The following PANK2 variants were observed in gnomAD, a reference collection of about 807,000 sequenced individuals.
The protein encoded by PANK2 is pantothenate kinase 2, mitochondrial.
In PANK2, 36 loss-of-function variants were observed where a neutral mutation model predicts 43.1. That is an observed-to-expected ratio of 0.84 (90% CI 0.64 to 1.10). PANK2 has a LOEUF of 1.10. Ranked by LOEUF, PANK2 falls within the 50% of genes least tolerant of loss-of-function variation. PANK2 has a pLI of 0.00. For synonymous variants in PANK2, 281 were observed against 238.2 expected (o/e 1.18, Z -1.66); for missense variants, 576 against 593.3 (o/e 0.97, Z 0.30).
rs529945325 is a variant in PANK2 at position 3,924,692 on chromosome 20, C to G, written c.*1398C>G. On this transcript the variant is annotated 3_prime_UTR_variant, in exon 7 of 7. Transcript: ENST00000610179. ...CTGCTGCTGTTTGCAGGCTCCTGGC[C>G]TATACTACCTCTGACGCCCTGATCC... The G allele has an allele frequency of 1.3e-5, 2 of 153,236 alleles. No homozygotes were observed. Among genetic ancestry groups the G allele is most frequent in the Non-Finnish European group, 2.9e-5 (2 of 68,740 alleles). The allele number at this position is 153,236 out of a possible 1,614,324, so 9.5% of individuals were successfully genotyped here. A position where few individuals can be genotyped will look rare whatever the true frequency, so the allele number is the denominator to read the frequency against.
chr20:3,890,105 T>G lies in PANK2; in HGVS notation c.298+377T>G, dbSNP rs567194417. On this transcript the variant is annotated intron_variant, in intron 1 of 6. Coordinates refer to ENST00000610179, the MANE Select transcript of PANK2 (RefSeq NM_001386393.1). The stretch of plus-strand genomic sequence containing the variant: ...CCAAATCCTTTGAATCCCCAATGTT[T>G]GTTTTCCGTGGGTTTCCAAAGAGCT... Among the ~76,000 whole-genome samples, 4 of 152,332 alleles carry G rather than the reference T, an allele frequency of 2.6e-5. No homozygotes were observed. In the South Asian group the frequency reaches 8.3e-4, roughly 32 times the overall value.
At chr20:3,898,252 T>G (rs1221511658) in intron 1 of PANK2, among the ~76,000 whole-genome samples, 1 of 150,994 alleles carries the variant, frequency 6.6e-6, no homozygotes, top group Non-Finnish European at 1.5e-5. Flanking sequence ...CAGGCTAGAG[T>G]GCAGTGGCAC....
intron 1 of PANK2, among the ~76,000 whole-genome samples, chr20:3,905,563 G>A (rs2090372181): frequency 1.3e-5 from 2 of 150,982 alleles, no homozygotes; most frequent in African/African-American, 2.4e-5. Flanking sequence ...TAGCCAGGAT[G>A]GTCTCGATCT....
At chr20:3,889,244 C>T (rs141716905), upstream of PANK2, 6 of 1,613,322 alleles carry the variant, frequency 3.7e-6, no homozygotes, top group Non-Finnish European at 5.1e-6. Flanking sequence ...ACGATAGCCT[C>T]TCATTGGACG....
At chr20:3,894,050 G>A (rs1320242527) in intron 1 of PANK2, among the ~76,000 whole-genome samples, 1 of 150,260 alleles carries the variant, frequency 6.7e-6, no homozygotes, top group South Asian at 2.1e-4. Context: ...TCCTGCCTCA[G>A]ACTCGCAAGT....
chr20:3,915,866 C>T (rs2090552105), intron 4 of PANK2, among the ~76,000 whole-genome samples: 1 of 152,166 alleles, frequency 6.6e-6, no homozygotes, highest in South Asian at 2.1e-4. Flanking sequence ...TACCATACTG[C>T]CTTGATACTG....
At chr20:3,889,908 T>G in intron 1 of PANK2, 180 bp downstream of exon 1, 1 of 1,532,144 alleles carries the variant, frequency 6.5e-7, no homozygotes, top group South Asian at 1.2e-5. Context: ...AAGCGGTACC[T>G]TCGGGGGCCC....
At chr20:3,903,479 T>C (rs577877126) in intron 1 of PANK2, among the ~76,000 whole-genome samples, 26 of 149,594 alleles carry the variant, frequency 1.7e-4, no homozygotes, top group African/African-American at 6.4e-4. Flanking sequence ...TTTTTTTTTT[T>C]TTTTGAGACT....
intron 1 of PANK2, among the ~76,000 whole-genome samples, chr20:3,902,937 A>AC (rs1477350882): frequency 6.6e-6 from 1 of 151,016 alleles, no homozygotes; most frequent in East Asian, 1.9e-4. Context: ...TCCATTTAAA[A>AC]TATACAGTTC....
In PANK2 at chr20:3,889,743, G is replaced by A; in HGVS notation, c.298+15G>A. Reference sequence around the variant, plus strand: ...AAAGCGGCCGCGTAAGTGTTCCGTGGGGCGCCCTCCCGGCCCGCCCTGCCC... The same window carrying A: ...AAAGCGGCCGCGTAAGTGTTCCGTGAGGCGCCCTCCCGGCCCGCCCTGCCC... On this transcript the variant is annotated intron_variant, in intron 1 of 6. Coordinates refer to ENST00000610179, the MANE Select transcript of PANK2 (RefSeq NM_001386393.1). The A allele has an allele frequency of 6.3e-7, 1 of 1,594,204 alleles. No individual in the cohort carries two copies. Among genetic ancestry groups the A allele is most frequent in the South Asian group, 1.1e-5 (1 of 90,684 alleles).
At chr20:3,922,992 C>T (rs2090670218) in intron 6 of PANK2, among the ~76,000 whole-genome samples, 1 of 152,202 alleles carries the variant, frequency 6.6e-6, no homozygotes, top group Admixed American at 6.5e-5. Flanking sequence ...GTCGCCCTCA[C>T]TGCGGGTTTG....
In PANK2 at chr20:3,913,676, C is replaced by G. The variant is rs1030184718; in HGVS notation, c.1082+1042C>G. 4.7e-5 allele frequency among the ~76,000 whole-genome samples: 7 copies of G among 149,508 alleles called. No homozygotes were observed. In the South Asian group the frequency reaches 6.3e-4, roughly 14 times the overall value. On this transcript the variant is annotated intron_variant, in intron 4 of 6. Coordinates refer to ENST00000610179, the MANE Select transcript of PANK2 (RefSeq NM_001386393.1). ...TTACGTGGATAATACTACATTTTAT[C>G]CATTTATTGGTTGATGAACATTTGG...
intron 4 of PANK2, among the ~76,000 whole-genome samples, chr20:3,913,982 G>A (rs1600554785): frequency 6.6e-6 from 1 of 151,550 alleles, no homozygotes; most frequent in Admixed American, 6.6e-5. Flanking sequence ...GCAGAGATGG[G>A]GTTTCACTAT....
At chr20:3,906,717 A>G (rs2090392191) in intron 1 of PANK2, among the ~76,000 whole-genome samples, 1 of 152,240 alleles carries the variant, frequency 6.6e-6, no homozygotes, top group African/African-American at 2.4e-5. Flanking sequence ...GCACCATTGT[A>G]AATTTGAAAA....
chr20:3,918,244 A>G (rs1035343844), intron 5 of PANK2, among the ~76,000 whole-genome samples: 30 of 152,280 alleles, frequency 2.0e-4, no homozygotes, highest in African/African-American at 6.7e-4. Context: ...TGCGAGGTTA[A>G]TAGGTCTAAA....
At chr20:3,889,946 G>A (rs1387721470) in intron 1 of PANK2, 8 of 1,526,270 alleles carry the variant, frequency 5.2e-6, no homozygotes, top group Non-Finnish European at 6.1e-6. Context: ...TGCACTTCCC[G>A]CTTGTTGGAG....
chr20:3,893,931 G>GTT (rs374582085), intron 1 of PANK2, among the ~76,000 whole-genome samples: 7 of 73,168 alleles, frequency 9.6e-5, no homozygotes, highest in South Asian at 6.3e-4. Flanking sequence ...TTTGTTTTTT[G>GTT]TTTTTTTTTT....
At position 3,889,570 on chromosome 20, in the gene PANK2, G is replaced by GGCGGCGGCAGGAGCC. The variant is rs1385406337; in HGVS notation, c.141_155dup (p.Arg48_Pro52dup). 9.0e-6 allele frequency: 13 copies of GGCGGCGGCAGGAGCC among 1,450,378 alleles called. No individual in the cohort carries two copies. Among genetic ancestry groups the GGCGGCGGCAGGAGCC allele is most frequent in the Non-Finnish European group, 1.1e-5 (12 of 1,111,554 alleles). The allele number at this position is 1,450,378 out of a possible 1,614,324, so 89.8% of individuals were successfully genotyped here. A position where few individuals can be genotyped will look rare whatever the true frequency, so the allele number is the denominator to read the frequency against. The stretch of plus-strand genomic sequence containing the variant: ...GAGCAGGCGGCCGGGGACCCCGAAG[G>GGCGGCGGCAGGAGCC]GCGGCGGCAGGAGCCACTGCGGCGC... On this transcript the variant is annotated inframe_insertion, in exon 1 of 7. Coordinates refer to ENST00000610179, the MANE Select transcript of PANK2 (RefSeq NM_001386393.1).
chr20:3,906,800 C>T lies in PANK2; in HGVS notation c.299-1126C>T, dbSNP rs145358927. The stretch of plus-strand genomic sequence containing the variant: ...GCAGTCCACTTTGATCCAATCTCTT[C>T]AGGCCTTTTTTTTCTTTGAGACGGA... On this transcript the variant is annotated intron_variant, in intron 1 of 6. Coordinates refer to ENST00000610179, the MANE Select transcript of PANK2 (RefSeq NM_001386393.1). Among the ~76,000 whole-genome samples the T allele has an allele frequency of 7.4e-4, 113 of 152,160 alleles. No homozygotes were observed. The Middle Eastern group carries it at 0.01, about 14-fold the overall frequency.
Sources: gnomAD v4.1 joint callset for allele counts (sites outside exome capture counted in the v4.1 genomes callset) on GRCh38, gnomAD v4.1.1 for gene constraint, MANE v1.5 for transcripts, NCBI Gene and HGNC (gene_info 2026-07-23, HGNC 2026-07-21) for gene names.